The following EPB41 variants were observed in gnomAD, a reference collection of about 807,000 sequenced individuals.
The protein encoded by EPB41 is erythrocyte membrane protein band 4.1.
A neutral mutation model predicts 108.0 loss-of-function variants in EPB41; 65 were observed. That is an observed-to-expected ratio of 0.60 (90% confidence interval 0.49 to 0.74). EPB41 has a LOEUF of 0.74. Among genes scored for constraint, EPB41 ranks in the 30% least tolerant of loss-of-function variants. EPB41 has a pLI of 0.00. For missense variants in EPB41, 875 were observed against 1,037.0 expected (o/e 0.84, Z 2.15); for synonymous variants, 336 against 358.9 (o/e 0.94, Z 0.72).
intron 11 of EPB41, among the ~76,000 whole-genome samples, chr1:29,040,893 T>G (rs1445348438): frequency 6.6e-6 from 1 of 152,000 alleles, no homozygotes; most frequent in Non-Finnish European, 1.5e-5. Context: ...CGCAGCACTT[T>G]GGGAGGCCAA....
intron 1 of EPB41, among the ~76,000 whole-genome samples, chr1:28,948,437 AG>A (rs972492676): frequency 7.0e-4 from 104 of 148,326 alleles, no homozygotes; most frequent in African/African-American, 2.5e-3. Context: ...TGAACCCGAG[AG>A]GCAGAGCTTG....
chr1:29,068,541 G>A (rs968905969), intron 16 of EPB41, among the ~76,000 whole-genome samples: 1 of 152,198 alleles, frequency 6.6e-6, no homozygotes, highest in Non-Finnish European at 1.5e-5. Flanking sequence ...CCCTGTAAAT[G>A]AATAGTGGAA....
In EPB41 at chr1:29,118,665, T is replaced by C. The variant is rs1385768356; in HGVS notation, c.*1853T>C. On this transcript the variant is annotated 3_prime_UTR_variant, in exon 21 of 21. Coordinates refer to ENST00000343067, the MANE Select transcript of EPB41 (RefSeq NM_001376013.1). Reference sequence around the variant, plus strand: ...CATTTCGGGTGTGTGCATTTTTCTTTTGGTACCCATGTGAGACATGAACAA... The same window carrying C: ...CATTTCGGGTGTGTGCATTTTTCTTCTGGTACCCATGTGAGACATGAACAA... 1 of 152,282 alleles carries C rather than the reference T, an allele frequency of 6.6e-6. No individual in the cohort carries two copies. Among genetic ancestry groups the C allele is most frequent in the Non-Finnish European group, 1.5e-5 (1 of 68,126 alleles). The allele number at this position is 152,282 out of a possible 1,614,324, so 9.4% of individuals were successfully genotyped here.
chr1:28,952,235 G>A lies in EPB41; in HGVS notation c.-7-35196G>A, dbSNP rs866490218. On this transcript the variant is annotated intron_variant, in intron 1 of 20. Transcript: ENST00000343067. ...TTTTTTTTTTCTGTCAGTTATCAAA[G>A]TGGTTCGTGCGGCCGGGCACGGTGG... 7.3e-5 allele frequency among the ~76,000 whole-genome samples: 11 copies of A among 150,384 alleles called. 1 individual carries two copies. In the Middle Eastern group the frequency reaches 0.017, roughly 234 times the overall value.
At chr1:29,116,020 A>G (rs1670819863) in intron 20 of EPB41, among the ~76,000 whole-genome samples, 1 of 152,174 alleles carries the variant, frequency 6.6e-6, no homozygotes, top group South Asian at 2.1e-4. Flanking sequence ...TTATTGGGTA[A>G]GAGGAGGGAC....
At chr1:28,901,402 T>C (rs2147913583) in intron 1 of EPB41, among the ~76,000 whole-genome samples, 1 of 151,282 alleles carries the variant, frequency 6.6e-6, no homozygotes, top group African/African-American at 2.4e-5. Flanking sequence ...TTTTTGTATT[T>C]TTAGTAGAGA....
chr1:28,971,180 CTTTTTT>C (rs1000130058), intron 1 of EPB41, among the ~76,000 whole-genome samples: 25 of 66,332 alleles, frequency 3.8e-4, no homozygotes, highest in East Asian at 3.1e-3. Context: ...TTCTTTCTTT[CTTTTTT>C]TTTTTTTTTT....
chr1:28,909,698 G>A (rs1021888759), upstream of EPB41, among the ~76,000 whole-genome samples: 3 of 152,094 alleles, frequency 2.0e-5, no homozygotes, highest in East Asian at 5.8e-4. Context: ...TACTCAGGAG[G>A]CTGAGGAGGC....
chr1:29,108,288 G>T lies in EPB41; in HGVS notation c.2314-1048G>T, dbSNP rs181134207. Reference sequence around the variant, plus strand: ...CTTAGACTCCCGAGTAGCTGGGACTGCAGACATGCACCACCACACCCGGCT... The same window carrying T: ...CTTAGACTCCCGAGTAGCTGGGACTTCAGACATGCACCACCACACCCGGCT... On this transcript the variant is annotated intron_variant, in intron 17 of 20. Coordinates refer to ENST00000343067, the MANE Select transcript of EPB41 (RefSeq NM_001376013.1). 2.6e-3 allele frequency among the ~76,000 whole-genome samples: 379 copies of T among 148,562 alleles called. 2 individuals carry two copies. The highest frequency in any genetic ancestry group is 9.0e-3 in the African/African-American group (364 of 40,456).
intron 16 of EPB41, among the ~76,000 whole-genome samples, chr1:29,087,512 G>A (rs1255766990): frequency 7.9e-5 from 12 of 152,006 alleles, no homozygotes; most frequent in Admixed American, 6.5e-4. Context: ...ACAGGCATGC[G>A]CCACCACACC....
upstream of EPB41, among the ~76,000 whole-genome samples, chr1:28,912,005 C>T (rs1313854554): frequency 6.6e-6 from 1 of 152,140 alleles, no homozygotes; most frequent in Non-Finnish European, 1.5e-5. Context: ...GAGATCGTGC[C>T]ATTGCACTCC....
intron 18 of EPB41, among the ~76,000 whole-genome samples, chr1:29,110,574 A>G (rs923458225): frequency 6.6e-6 from 1 of 152,166 alleles, no homozygotes; most frequent in African/African-American, 2.4e-5. Context: ...TAAAATTGGA[A>G]CTACCCCCAG....
rs756268939 is a variant in EPB41 at position 28,887,534 on chromosome 1, G to A, written c.-8+324G>A. On this transcript the variant is annotated intron_variant, in intron 1 of 16. Transcript: ENST00000347529. This position sits in a 1 kb window ranked among gnomAD's most constrained non-coding sequence, Gnocchi z 4.9. ...CGGGGGTCCTGCATTCGGTGTCCGCGGGAGAGTCCCTGCAGGTCGGCGCAG... is the reference window on the plus strand; with the variant it reads ...CGGGGGTCCTGCATTCGGTGTCCGCAGGAGAGTCCCTGCAGGTCGGCGCAG... The A allele has an allele frequency of 5.2e-5, 51 of 985,194 alleles. No individual in the cohort carries two copies. Among genetic ancestry groups the A allele is most frequent in the Middle Eastern group, 5.2e-4 (1 of 1,912 alleles). The allele number at this position is 985,194 out of a possible 1,614,324, so 61.0% of individuals were successfully genotyped here. A position where few individuals can be genotyped will look rare whatever the true frequency, so the allele number is the denominator to read the frequency against.
intron 16 of EPB41, among the ~76,000 whole-genome samples, chr1:29,075,520 T>A (rs965723511): frequency 6.6e-6 from 1 of 152,138 alleles, no homozygotes; most frequent in African/African-American, 2.4e-5. Context: ...GTCTTACCCT[T>A]TAACATAGAA....
At chr1:28,970,396 G>GA (rs2095467627) in intron 1 of EPB41, among the ~76,000 whole-genome samples, 1 of 152,174 alleles carries the variant, frequency 6.6e-6, no homozygotes, top group Non-Finnish European at 1.5e-5. Context: ...AATATTGTTA[G>GA]ATTGAGTTGG....
rs543012730 is a variant in EPB41 at position 29,084,242 on chromosome 1, T to C, written c.2185-13565T>C. The stretch of plus-strand genomic sequence containing the variant: ...TTTTTCTCAATCTATGTCAATCTTA[T>C]TAAAAAGTTTAATGAATCACTTTTC... On this transcript the variant is annotated intron_variant, in intron 16 of 20. Transcript: ENST00000343067. 2.8e-4 allele frequency among the ~76,000 whole-genome samples: 42 copies of C among 152,364 alleles called. 1 individual carries two copies. The highest frequency in any genetic ancestry group is 1.5e-3 in the East Asian group (8 of 5,192).
intron 7 of EPB41, among the ~76,000 whole-genome samples, chr1:29,020,848 G>A (rs997856023): frequency 4.6e-5 from 7 of 151,960 alleles, no homozygotes; most frequent in African/African-American, 1.7e-4. Context: ...TTGTAGAGAT[G>A]GTAGTCTCAC....
intron 1 of EPB41, among the ~76,000 whole-genome samples, chr1:28,897,553 G>A (rs945261207): frequency 6.9e-6 from 1 of 145,194 alleles, no homozygotes; most frequent in Non-Finnish European, 1.5e-5. Flanking sequence ...CTGTAGGTAG[G>A]TAGGTAGGAA....
chr1:28,969,626 G>A (rs1490028127), intron 1 of EPB41, among the ~76,000 whole-genome samples: 3 of 151,864 alleles, frequency 2.0e-5, no homozygotes, highest in East Asian at 2.0e-4. Context: ...TTGGCCGGTC[G>A]CAGTGGCTCA....
Sources: gnomAD v4.1 joint callset for allele counts (sites outside exome capture counted in the v4.1 genomes callset) on GRCh38, gnomAD v4.1.1 for gene constraint, Gnocchi (gnomAD v3.1) non-coding constraint, MANE v1.5 for transcripts, NCBI Gene and HGNC (gene_info 2026-07-23, HGNC 2026-07-21) for gene names.